Variants in RTF1 observed in about 807,000 individuals in gnomAD.
RTF1 encodes RTF1 homolog, Paf1/RNA polymerase II complex component.
In RTF1, 10 loss-of-function variants were observed where a neutral mutation model predicts 95.7. That is an observed-to-expected ratio of 0.10 (90% CI 0.06 to 0.18). The LOEUF (loss-of-function observed/expected upper bound fraction) is 0.18, where lower values mean the gene tolerates loss of function less well. RTF1 is among the 10% of genes least tolerant of loss of function. RTF1 has a pLI of 1.00. For missense variants in RTF1, 458 were observed against 875.6 expected, an observed-to-expected ratio of 0.52 and a Z score of 6.02; for synonymous variants, 305 against 311.8, an observed-to-expected ratio of 0.98 and a Z score of 0.23.
intron 14 of RTF1, 73 bp downstream of exon 14, chr15:41,477,588 TA>T: frequency 1.4e-6 from 2 of 1,399,700 alleles, no homozygotes; most frequent in Non-Finnish European, 2.0e-6. Context: ...ACATCTTGCC[TA>T]AGTTTATTTT....
chr15:41,461,092 G>C (rs2050845823), intron 4 of RTF1, among the ~76,000 whole-genome samples: 1 of 150,732 alleles, frequency 6.6e-6, no homozygotes, highest in South Asian at 2.1e-4. Flanking sequence ...GCCCAGGCTG[G>C]AGTGCAATGG....
chr15:41,437,491 G>C (rs564064489), intron 1 of RTF1, among the ~76,000 whole-genome samples: 1 of 151,864 alleles, frequency 6.6e-6, no homozygotes, highest in Non-Finnish European at 1.5e-5. Context: ...GCGAGACTCT[G>C]TCTCAAAAAA....
chr15:41,474,578 G>T (rs1376520371), intron 8 of RTF1, 42 bp from the exon 9 acceptor site: 2 of 1,384,578 alleles, frequency 1.4e-6, no homozygotes, highest in Non-Finnish European at 2.1e-6. Flanking sequence ...GAAAGCTCCG[G>T]AAGAGTCTGG....
intron 4 of RTF1, among the ~76,000 whole-genome samples, chr15:41,464,423 A>T (rs1020336854): frequency 2.0e-5 from 3 of 150,582 alleles, no homozygotes; most frequent in Non-Finnish European, 4.4e-5. Context: ...TAATTTTTGT[A>T]TTTTTAGTAG....
chr15:41,422,564 T>C (rs776522887), intron 1 of RTF1, among the ~76,000 whole-genome samples: 1 of 152,174 alleles, frequency 6.6e-6, no homozygotes, highest in Non-Finnish European at 1.5e-5. Context: ...GAGTTCTCAA[T>C]TCAAATCAGT....
intron 6 of RTF1, among the ~76,000 whole-genome samples, chr15:41,466,795 C>A (rs2050882706): frequency 1.3e-5 from 2 of 152,232 alleles, no homozygotes; most frequent in South Asian, 4.1e-4. Context: ...CTTTGCCCTG[C>A]CTTGCAGCGT....
intron 2 of RTF1, among the ~76,000 whole-genome samples, chr15:41,452,018 C>T (rs2050791499): frequency 1.3e-5 from 2 of 150,680 alleles, no homozygotes; most frequent in African/African-American, 4.9e-5. Flanking sequence ...GGCAACATAG[C>T]AAGAACCTGT....
chr15:41,472,707 T>C (rs547289414), intron 8 of RTF1, among the ~76,000 whole-genome samples: 177 of 141,028 alleles, frequency 1.3e-3, no homozygotes, highest in African/African-American at 4.1e-3. Flanking sequence ...CTGAGTCTCT[T>C]TTTTTTTTTT....
intron 11 of RTF1, 142 bp from the exon 12 acceptor site, chr15:41,476,300 GCTCT>G (rs143834672): frequency 4.0e-5 from 25 of 622,920 alleles, no homozygotes; most frequent in Non-Finnish European, 5.5e-5. Flanking sequence ...GAATGAACCC[GCTCT>G]CTCTCTCTCT....
At chr15:41,454,028 T>C (rs1284093768) in intron 3 of RTF1, among the ~76,000 whole-genome samples, 2 of 152,202 alleles carry the variant, frequency 1.3e-5, no homozygotes, top group Non-Finnish European at 2.9e-5. Context: ...CCTGTTAAGA[T>C]CTACTATTAT....
intron 12 of RTF1, 91 bp downstream of exon 12, chr15:41,476,614 G>T: frequency 8.2e-7 from 1 of 1,219,882 alleles, no homozygotes; most frequent in Non-Finnish European, 1.2e-6. Flanking sequence ...GTGGTGGTAG[G>T]ATTGGGAGAA....
intron 14 of RTF1, among the ~76,000 whole-genome samples, chr15:41,477,874 G>A (rs564399745): frequency 6.6e-6 from 1 of 152,320 alleles, no homozygotes; most frequent in African/African-American, 2.4e-5. Context: ...GGGAGGCCGA[G>A]GCGGGTGGAT....
chr15:41,452,625 T>G (rs1199693167), intron 2 of RTF1, among the ~76,000 whole-genome samples: 1 of 152,050 alleles, frequency 6.6e-6, no homozygotes, highest in Admixed American at 6.6e-5. Context: ...TCCCAACTAC[T>G]CCAGAGGCTA....
chr15:41,483,101 C>T lies in RTF1; in HGVS notation c.*2414C>T, dbSNP rs2050986723. The stretch of plus-strand genomic sequence containing the variant: ...AAGAAGACCGAAGGGTATCTTTCCA[C>T]CCGAGTAGCCTCTGTAGTGATTGGG... On this transcript the variant is annotated 3_prime_UTR_variant, in exon 18 of 18. Transcript: ENST00000389629. 6.6e-6 allele frequency: 1 copy of T among 152,670 alleles called. No individual in the cohort carries two copies. Among genetic ancestry groups the T allele is most frequent in the African/African-American group, 2.4e-5 (1 of 41,448 alleles). The allele number at this position is 152,670 out of a possible 1,614,324, so 9.5% of individuals were successfully genotyped here.
chr15:41,423,661 G>T (rs568033061), intron 1 of RTF1, among the ~76,000 whole-genome samples: 1 of 152,000 alleles, frequency 6.6e-6, no homozygotes, highest in Non-Finnish European at 1.5e-5. Context: ...GAGCCACCAC[G>T]CCCAGCCCTG....
intron 3 of RTF1, among the ~76,000 whole-genome samples, chr15:41,454,419 TAATA>T (rs1323015740): frequency 1.3e-5 from 2 of 152,098 alleles, no homozygotes; most frequent in African/African-American, 4.8e-5. Flanking sequence ...TAATGCCAGC[TAATA>T]AATAAAAAAG....
chr15:41,447,085 GAGCCACCACGCCC>G (rs1219779565), intron 2 of RTF1, among the ~76,000 whole-genome samples: 1 of 152,140 alleles, frequency 6.6e-6, no homozygotes, highest in East Asian at 1.9e-4. Context: ...TTACAGGCAT[GAGCCACCACGCCC>G]AGCCCCAGCT....
intron 1 of RTF1, among the ~76,000 whole-genome samples, chr15:41,435,497 G>A (rs1024637759): frequency 1.3e-5 from 2 of 152,020 alleles, no homozygotes; most frequent in Non-Finnish European, 2.9e-5. Flanking sequence ...TAAAACGACT[G>A]TAAACACACA....
intron 14 of RTF1, among the ~76,000 whole-genome samples, chr15:41,478,215 A>G (rs541220492): frequency 2.0e-5 from 3 of 152,224 alleles, no homozygotes; most frequent in East Asian, 3.9e-4. Context: ...AGCCTGGCCA[A>G]CATGGCGAAA....
Sources: gnomAD v4.1 joint callset for allele counts (sites outside exome capture counted in the v4.1 genomes callset) on GRCh38, gnomAD v4.1.1 for gene constraint, MANE v1.5 for transcripts, NCBI Gene and HGNC (gene_info 2026-07-23, HGNC 2026-07-21) for gene names.